Variants in RBM19 observed in about 807,000 individuals in gnomAD.
RBM19 encodes the protein RNA binding motif protein 19, also known as probable RNA-binding protein 19.
RBM19 carries 94 observed loss-of-function variants against 116.8 expected under a neutral mutation model. The observed-to-expected ratio is 0.80, with a 90% confidence interval of 0.68 to 0.95. RBM19 has a LOEUF of 0.95. RBM19 is among the 40% of genes least tolerant of loss of function. The pLI, the probability that RBM19 is intolerant of heterozygous loss-of-function variation, is 0.00. For missense variants in RBM19, 1,161 were observed against 1,220.7 expected (o/e 0.95, Z 0.73); for synonymous variants, 475 against 494.1 (o/e 0.96, Z 0.51).
At chr12:113,858,347 G>A (rs534545673) in intron 22 of RBM19, among the ~76,000 whole-genome samples, 46 of 152,332 alleles carry the variant, frequency 3.0e-4, no homozygotes, top group East Asian at 2.7e-3. Context: ...GGCCATGAGC[G>A]GAAAAAAGGA....
At chr12:113,910,315 G>T (rs984364295) in intron 21 of RBM19, among the ~76,000 whole-genome samples, 4 of 152,190 alleles carry the variant, frequency 2.6e-5, no homozygotes, top group Non-Finnish European at 5.9e-5. Context: ...ACTAAGCCTG[G>T]CCAATGGCCA....
intron 21 of RBM19, among the ~76,000 whole-genome samples, chr12:113,900,544 G>T (rs1881621926): frequency 6.6e-6 from 1 of 152,158 alleles, no homozygotes; most frequent in East Asian, 1.9e-4. Context: ...AACAAATGAG[G>T]CCCCGAGAGG....
chr12:113,921,413 T>C (rs1868547277), intron 18 of RBM19, among the ~76,000 whole-genome samples: 1 of 152,182 alleles, frequency 6.6e-6, no homozygotes, highest in Non-Finnish European at 1.5e-5. Context: ...CACCCCAGCA[T>C]CTCATACATA....
chr12:113,858,430 G>A (rs1167650532), intron 22 of RBM19, among the ~76,000 whole-genome samples: 1 of 152,178 alleles, frequency 6.6e-6, no homozygotes, highest in Non-Finnish European at 1.5e-5. Context: ...TCTCTGCACT[G>A]TTCTGCGTGG....
chr12:113,859,604 C>T (rs972479461), intron 21 of RBM19, among the ~76,000 whole-genome samples: 1 of 152,114 alleles, frequency 6.6e-6, no homozygotes, highest in African/African-American at 2.4e-5. Context: ...GACCATCCCC[C>T]CCGGTTCCCT....
In RBM19 at chr12:113,858,922, G is replaced by C. The variant is rs200918403; in HGVS notation, c.2559-26C>G. On this transcript the variant is annotated intron_variant, in intron 21 of 23. Coordinates refer to ENST00000261741, the MANE Select transcript of RBM19 (RefSeq NM_016196.4). ...CTAGAAACAAAAGGCAAGACATAGGGGTTTAAGAATAGAGGCCCGCAAGGG... is the reference window on the plus strand; with the variant it reads ...CTAGAAACAAAAGGCAAGACATAGGCGTTTAAGAATAGAGGCCCGCAAGGG... 2.8e-5 allele frequency: 45 copies of C among 1,607,630 alleles called. No individual in the cohort carries two copies. The South Asian group carries it at 3.4e-4, about 12-fold the overall frequency.
chr12:113,957,941 C>T lies in RBM19; in HGVS notation c.681G>A (p.Glu227=), dbSNP rs776468144. The T allele has an allele frequency of 4.3e-6, 7 of 1,614,196 alleles. No individual in the cohort carries two copies. In the South Asian group the frequency reaches 6.6e-5, roughly 15 times the overall value. ...AGTGCACGGCTTCATCTTCACTTTC[C>T]TCTTCCTCCGAGGAAGAGGACGACC... ...KAGSSSSSEE[E]ESEDEAVHCD... Residue 227 remains glutamate (E), a synonymous_variant, in exon 6 of 24, where the codon GAG becomes GAA. Transcript: ENST00000261741.
chr12:113,839,336 T>A (rs575858991), intron 23 of RBM19, among the ~76,000 whole-genome samples: 10 of 152,366 alleles, frequency 6.6e-5, no homozygotes, highest in Non-Finnish European at 1.3e-4. Context: ...GGGCACCTCC[T>A]GTGTCCCAGA....
intron 14 of RBM19, among the ~76,000 whole-genome samples, chr12:113,940,538 C>A (rs907721182): frequency 2.0e-5 from 3 of 152,208 alleles, no homozygotes; most frequent in Non-Finnish European, 4.4e-5. Flanking sequence ...GCCAGCAGGA[C>A]GTGCTGCAGA....
At chr12:113,863,332 C>T (rs1029793525) in intron 21 of RBM19, among the ~76,000 whole-genome samples, 1 of 151,972 alleles carries the variant, frequency 6.6e-6, no homozygotes, top group African/African-American at 2.4e-5. Context: ...CAGCTGCTAC[C>T]GAAAAGGGAT....
chr12:113,938,515 C>T (rs1412391607), intron 15 of RBM19, among the ~76,000 whole-genome samples: 5 of 152,014 alleles, frequency 3.3e-5, no homozygotes, highest in South Asian at 2.1e-4. Flanking sequence ...CCAAGGTCTG[C>T]GAAGTGCTAA....
intron 6 of RBM19, among the ~76,000 whole-genome samples, chr12:113,955,435 G>C (rs1871848609): frequency 1.3e-5 from 2 of 152,144 alleles, no homozygotes; most frequent in African/African-American, 4.8e-5. Flanking sequence ...TGGAACCAGA[G>C]CCTGGCAAGC....
chr12:113,823,180 C>T lies in RBM19; in HGVS notation c.*44G>A. 1.9e-6 allele frequency: 3 copies of T among 1,573,834 alleles called. No homozygotes were observed. The highest frequency in any genetic ancestry group is 1.1e-5 in the South Asian group (1 of 90,018). The stretch of plus-strand genomic sequence containing the variant: ...GAGTGCAGAAGCTGGAGCGGCTGTC[C>T]CGGTCCCCAGGGCCCCGGAGCCACA... On this transcript the variant is annotated 3_prime_UTR_variant, in exon 24 of 24. Coordinates refer to ENST00000261741, the MANE Select transcript of RBM19 (RefSeq NM_016196.4).
At chr12:113,883,300 GGCAAGAAA>G (rs1182276261) in intron 21 of RBM19, among the ~76,000 whole-genome samples, 4 of 152,234 alleles carry the variant, frequency 2.6e-5, no homozygotes, top group South Asian at 2.1e-4. Context: ...GGCCAGTTCT[GGCAAGAAA>G]GCAAGAAAGC....
At chr12:113,921,431 G>C (rs903457136) in intron 18 of RBM19, among the ~76,000 whole-genome samples, 2 of 152,094 alleles carry the variant, frequency 1.3e-5, no homozygotes, top group Non-Finnish European at 2.9e-5. Context: ...ATATTTGTTA[G>C]GTTTCTTCTT....
Position 113,939,964 on chromosome 12 carries a change from G to T in RBM19, c.1934C>A (p.Ser645Tyr). 1 of 1,613,854 alleles carries T rather than the reference G, an allele frequency of 6.2e-7. No homozygotes were observed. Among genetic ancestry groups the T allele is most frequent in the South Asian group, 1.1e-5 (1 of 91,036 alleles). ...CTGGGTCTCCAGCAGCCCTACCTTGGAATAGGCCAGATGCCTGAAGGCCTT... is the reference window on the plus strand; with the variant it reads ...CTGGGTCTCCAGCAGCCCTACCTTGTAATAGGCCAGATGCCTGAAGGCCTT... ...ARKAFRHLAY[S>Y]KFHHVPLYLE... Residue 645 changes from serine (S) to tyrosine (Y), a missense_variant, in exon 15 of 24, where the codon TCC (serine) becomes TAC (tyrosine). Physicochemically the swap from Ser to Tyr is moderately radical, Grantham distance 144. Coordinates refer to ENST00000261741, the MANE Select transcript of RBM19 (RefSeq NM_016196.4).
chr12:113,918,736 A>G (rs1216999258), intron 19 of RBM19, among the ~76,000 whole-genome samples: 1 of 152,214 alleles, frequency 6.6e-6, no homozygotes, highest in African/African-American at 2.4e-5. Context: ...CATTGTTTAT[A>G]AGCATGTTCA....
chr12:113,825,891 G>A lies in RBM19; in HGVS notation c.2786-2570C>T, dbSNP rs1874815831. Among the ~76,000 whole-genome samples, 1 of 152,158 alleles carries A rather than the reference G, an allele frequency of 6.6e-6. No homozygotes were observed. The highest frequency in any genetic ancestry group is 1.5e-5 in the Non-Finnish European group (1 of 68,024). Reference sequence around the variant, plus strand: ...GGGAGCTTGTTAAATCCTCCATCACGGCATGCTGTTCCTTTGCTCAAGCCT... The same window carrying A: ...GGGAGCTTGTTAAATCCTCCATCACAGCATGCTGTTCCTTTGCTCAAGCCT... On this transcript the variant is annotated intron_variant, in intron 23 of 23. Transcript: ENST00000261741. This position sits in a 1 kb window ranked among gnomAD's most constrained non-coding sequence, Gnocchi z 5.7.
At chr12:113,885,597 C>T (rs906970095) in intron 21 of RBM19, among the ~76,000 whole-genome samples, 7 of 151,936 alleles carry the variant, frequency 4.6e-5, no homozygotes, top group Non-Finnish European at 7.4e-5. Flanking sequence ...TGTACTATAA[C>T]GTATAAAAAG....
Sources: allele counts gnomAD v4.1 joint callset (sites outside exome capture counted in the v4.1 genomes callset), GRCh38; gene constraint gnomAD v4.1.1; non-coding constraint Gnocchi (gnomAD v3.1); transcripts MANE v1.5; gene names NCBI Gene and HGNC (gene_info 2026-07-23, HGNC 2026-07-21).